The following SAMD5 variants were observed in gnomAD, a reference collection of about 807,000 sequenced individuals.
SAMD5 encodes sterile alpha motif domain-containing protein 5.
A neutral mutation model predicts 11.3 loss-of-function variants in SAMD5; 13 were observed. That is an observed-to-expected ratio of 1.15 (90% CI 0.75 to 1.83). The LOEUF (loss-of-function observed/expected upper bound fraction) is 1.83. Ranked by LOEUF, SAMD5 falls within the 40% of genes most tolerant of loss-of-function variation. The pLI, the probability that SAMD5 is intolerant of heterozygous loss-of-function variation, is 0.00. For synonymous variants in SAMD5, 129 were observed against 111.3 expected (o/e 1.16, Z -1.00); for missense variants, 255 against 239.1 (o/e 1.07, Z -0.44).
the SAMD5 span, among the ~76,000 whole-genome samples, chr6:147,819,321 T>C: frequency 0.091 from 13,914 of 152,158 alleles, 1,047 homozygotes; most frequent in African/African-American, 0.21. Flanking sequence ...CACTGGGGCC[T>C]ACTTGGGGGT....
the SAMD5 span, among the ~76,000 whole-genome samples, chr6:147,918,192 T>C: frequency 6.6e-6 from 1 of 152,218 alleles, no homozygotes; most frequent in Admixed American, 6.5e-5. Context: ...TTCCTAACCA[T>C]GAGCATGGAA....
At chr6:147,745,781 T>C in the SAMD5 span, among the ~76,000 whole-genome samples, 80 of 128,836 alleles carry the variant, frequency 6.2e-4, no homozygotes, top group Non-Finnish European at 9.6e-4. Context: ...TTCTTTCTTT[T>C]TTTTTTTTTT....
intron 1 of SAMD5, among the ~76,000 whole-genome samples, chr6:147,558,094 A>G (rs1286934033): frequency 6.6e-6 from 1 of 152,242 alleles, no homozygotes; most frequent in Non-Finnish European, 1.5e-5. Context: ...AGTATGTTCT[A>G]TAAGCATACC....
the SAMD5 span, among the ~76,000 whole-genome samples, chr6:147,771,337 C>T: frequency 1.3e-5 from 2 of 152,106 alleles, no homozygotes; most frequent in Non-Finnish European, 2.9e-5. Flanking sequence ...ACTGCTAAAG[C>T]GTGAAATGGT....
At chr6:147,922,138 C>G in the SAMD5 span, among the ~76,000 whole-genome samples, 4 of 152,150 alleles carry the variant, frequency 2.6e-5, no homozygotes, top group African/African-American at 9.7e-5. Context: ...AGGTCCCGCT[C>G]TGAGTCCCCA....
At chr6:147,512,835 A>G (rs1461261531) in intron 1 of SAMD5, among the ~76,000 whole-genome samples, 1 of 152,186 alleles carries the variant, frequency 6.6e-6, no homozygotes, top group East Asian at 1.9e-4. Flanking sequence ...GGAAGACTTA[A>G]AATGGAATGA....
intron 1 of SAMD5, among the ~76,000 whole-genome samples, chr6:147,710,491 C>T (rs1382424870): frequency 1.3e-5 from 2 of 152,204 alleles, no homozygotes; most frequent in Non-Finnish European, 2.9e-5. Context: ...CTTTGTCCAG[C>T]ATGGCCACAC....
At chr6:147,731,631 C>A (rs1335922120) in intron 1 of SAMD5, among the ~76,000 whole-genome samples, 1 of 135,226 alleles carries the variant, frequency 7.4e-6, no homozygotes, top group East Asian at 2.1e-4. Context: ...ACTTTACCCT[C>A]TCTTTTCTCT....
the SAMD5 span, among the ~76,000 whole-genome samples, chr6:147,908,709 A>G: frequency 1.3e-5 from 2 of 152,198 alleles, no homozygotes; most frequent in South Asian, 2.1e-4. Context: ...ACACTGAAAC[A>G]ATAGGAGAAA....
At chr6:147,552,739 C>T (rs941769924) in intron 1 of SAMD5, among the ~76,000 whole-genome samples, 3 of 152,192 alleles carry the variant, frequency 2.0e-5, no homozygotes, top group Admixed American at 6.5e-5. Context: ...GTTGCGGAGG[C>T]GCAGTCTGTG....
At chr6:147,630,599 A>G (rs1790134713) in intron 1 of SAMD5, among the ~76,000 whole-genome samples, 1 of 147,426 alleles carries the variant, frequency 6.8e-6, no homozygotes, top group South Asian at 2.1e-4. Flanking sequence ...GTAATTTTCC[A>G]TTACCCACCC....
chr6:147,859,894 T>C, the SAMD5 span, among the ~76,000 whole-genome samples: 2 of 152,296 alleles, frequency 1.3e-5, no homozygotes, highest in East Asian at 3.9e-4. Flanking sequence ...CATATTTAAA[T>C]ACAATAGATG....
the SAMD5 span, among the ~76,000 whole-genome samples, chr6:147,937,839 A>C: frequency 6.6e-6 from 1 of 152,192 alleles, no homozygotes; most frequent in South Asian, 2.1e-4. Context: ...CCTAAGACTT[A>C]TCTCAGGTGC....
the SAMD5 span, among the ~76,000 whole-genome samples, chr6:147,854,756 AAAGAATTAAAACATAACAAAG>A: frequency 1.3e-5 from 2 of 152,228 alleles, no homozygotes; most frequent in East Asian, 1.9e-4. Flanking sequence ...AAGAAGCAGA[AAAGAATTAAAACATAACAAAG>A]ATAGCATTTA....
the SAMD5 span, among the ~76,000 whole-genome samples, chr6:147,909,611 T>C: frequency 1.6e-3 from 113 of 69,302 alleles, no homozygotes; most frequent in African/African-American, 9.0e-3. Context: ...TTTCTTTCTT[T>C]CTTTCTTTCT....
intron 1 of SAMD5, among the ~76,000 whole-genome samples, chr6:147,641,254 A>G (rs534576628): frequency 2.7e-4 from 41 of 152,264 alleles, no homozygotes; most frequent in Admixed American, 1.4e-3. Flanking sequence ...TTCCTCCAAG[A>G]ATTTCTTTTC....
rs545256788 is a variant in SAMD5, at chr6:147,581,435, G to A, written c.162+72048G>A. Among the ~76,000 whole-genome samples the A allele has an allele frequency of 2.2e-4, 34 of 152,266 alleles. No homozygotes were observed. The South Asian group carries it at 2.9e-3, about 13-fold the overall frequency. On this transcript the variant is annotated intron_variant, in intron 1 of 1. Transcript: ENST00000566741. ...TTAAACCACAGGAAAGGATAAGATG[G>A]CCCAGGGACAGCGGGAAGAGTGAGG...
At chr6:147,670,738 C>T (rs574201887) in intron 1 of SAMD5, among the ~76,000 whole-genome samples, 1 of 152,304 alleles carries the variant, frequency 6.6e-6, no homozygotes, top group East Asian at 1.9e-4. Flanking sequence ...TTGAATTAGG[C>T]TTTGAGTTAA....
chr6:147,743,502 CA>C, the SAMD5 span, among the ~76,000 whole-genome samples: 4,562 of 119,464 alleles, frequency 0.038, 66 homozygotes, highest in Non-Finnish European at 0.042. Flanking sequence ...GACTCTGTCT[CA>C]AAAAAAAAAA....
Sources: allele counts gnomAD v4.1 joint callset (sites outside exome capture counted in the v4.1 genomes callset), GRCh38; gene constraint gnomAD v4.1.1; transcripts MANE v1.5; gene names NCBI Gene and HGNC (gene_info 2026-07-23, HGNC 2026-07-21).